Variants in FYN observed in about 807,000 individuals in gnomAD.
The protein encoded by FYN is tyrosine-protein kinase Fyn.
A neutral mutation model predicts 70.2 loss-of-function variants in FYN; 10 were observed. That is an observed-to-expected ratio of 0.14 (90% CI 0.09 to 0.24). The LOEUF is 0.24. Among genes scored for constraint, FYN ranks in the 10% least tolerant of loss-of-function variants. The pLI is 1.00. For missense variants in FYN, 319 were observed against 673.1 expected (o/e 0.47, Z 5.82); for synonymous variants, 236 against 248.6 (o/e 0.95, Z 0.48).
intron 1 of FYN, among the ~76,000 whole-genome samples, chr6:111,863,398 T>C (rs944462180): frequency 3.3e-5 from 5 of 152,220 alleles, no homozygotes; most frequent in Non-Finnish European, 2.9e-5. Flanking sequence ...TTTGAAATTG[T>C]TATTGCTTCT....
intron 2 of FYN, among the ~76,000 whole-genome samples, chr6:111,826,796 G>A (rs1339735162): frequency 6.6e-6 from 1 of 152,162 alleles, no homozygotes; most frequent in Non-Finnish European, 1.5e-5. Flanking sequence ...CTTGTTCACC[G>A]ATTTAGGCCA....
intron 12 of FYN, among the ~76,000 whole-genome samples, chr6:111,674,979 C>T (rs375158472): frequency 5.9e-5 from 9 of 152,178 alleles, no homozygotes; most frequent in Admixed American, 3.3e-4. Flanking sequence ...CATGAGTCCT[C>T]GGGTATATAA....
chr6:111,806,359 T>C (rs548149905), intron 2 of FYN, among the ~76,000 whole-genome samples: 23 of 152,178 alleles, frequency 1.5e-4, no homozygotes, highest in African/African-American at 5.3e-4. Context: ...GCATCAGTAT[T>C]ACTCAAGCAC....
Position 111,861,354 on chromosome 6 carries a change from TTA to T in FYN, c.-123+11612_-123+11613del, listed in dbSNP as rs553479384. On this transcript the variant is annotated intron_variant, in intron 1 of 13. Transcript: ENST00000354650. The stretch of plus-strand genomic sequence containing the variant: ...TGAATAAATACATGAAGTGGTAACA[TTA>T]TATGCCAGCAAAGGGGATAGTACAT... 3.4e-3 allele frequency among the ~76,000 whole-genome samples: 519 copies of T among 152,258 alleles called. 7 individuals carry two copies. The highest frequency in any genetic ancestry group is 0.012 in the African/African-American group (500 of 41,554).
intron 12 of FYN, among the ~76,000 whole-genome samples, chr6:111,692,953 C>T (rs769065561): frequency 6.6e-5 from 10 of 152,256 alleles, no homozygotes; most frequent in East Asian, 1.9e-4. Context: ...GGCCCAGCAC[C>T]GGGGGTGTAT....
chr6:111,694,244 C>T lies in FYN; in HGVS notation c.1273+131G>A. The stretch of plus-strand genomic sequence containing the variant: ...TCAAATTCCTGCCAGATCAAGGTGT[C>T]CAAACCAAGCTGAAGAATGACATTT... On this transcript the variant is annotated intron_variant, in intron 12 of 13. Coordinates refer to ENST00000354650, the MANE Select transcript of FYN (RefSeq NM_002037.5). The surrounding 1 kb of genome is among the most constrained non-coding windows in gnomAD (Gnocchi z 5.0). 3.2e-6 allele frequency: 4 copies of T among 1,236,680 alleles called. No individual in the cohort carries two copies. The highest frequency in any genetic ancestry group is 4.6e-6 in the Non-Finnish European group (4 of 876,216). The allele number at this position is 1,236,680 out of a possible 1,614,324, so 76.6% of individuals were successfully genotyped here. A position where few individuals can be genotyped will look rare whatever the true frequency, so the allele number is the denominator to read the frequency against.
intron 3 of FYN, among the ~76,000 whole-genome samples, chr6:111,742,044 C>T (rs887358090): frequency 2.6e-5 from 4 of 152,182 alleles, no homozygotes; most frequent in South Asian, 2.1e-4. Context: ...CTAGCTTTCA[C>T]ACCCCCTTCC....
intron 3 of FYN, among the ~76,000 whole-genome samples, chr6:111,754,225 A>T (rs1802611395): frequency 6.6e-6 from 1 of 152,154 alleles, no homozygotes; most frequent in South Asian, 2.1e-4. Flanking sequence ...TACTGTCTGA[A>T]TATTTCTGGG....
At chr6:111,790,952 A>C (rs1425343639) in intron 2 of FYN, among the ~76,000 whole-genome samples, 1 of 152,230 alleles carries the variant, frequency 6.6e-6, no homozygotes, top group African/African-American at 2.4e-5. Flanking sequence ...ATGGGCTGGA[A>C]GTCCAATATT....
intron 2 of FYN, among the ~76,000 whole-genome samples, chr6:111,797,760 A>G (rs1771862618): frequency 6.7e-6 from 1 of 148,940 alleles, no homozygotes; most frequent in South Asian, 2.1e-4. Context: ...GACAAAATAA[A>G]TACATCTTTT....
chr6:111,707,150 A>T (rs977297442), intron 6 of FYN, among the ~76,000 whole-genome samples: 8 of 152,206 alleles, frequency 5.3e-5, no homozygotes, highest in South Asian at 2.1e-4. Flanking sequence ...AGGTGTCAGG[A>T]GGAGGCCAAG....
At chr6:111,725,610 T>C (rs545590751) in intron 3 of FYN, among the ~76,000 whole-genome samples, 4 of 152,172 alleles carry the variant, frequency 2.6e-5, no homozygotes, top group Non-Finnish European at 5.9e-5. Flanking sequence ...ATGTTAATAC[T>C]TGAGGGATGA....
chr6:111,843,714 G>A lies in FYN; in HGVS notation c.-82+2875C>T, dbSNP rs73766767. Among the ~76,000 whole-genome samples, 922 of 152,038 alleles carry A rather than the reference G, an allele frequency of 6.1e-3. 6 individuals carry two copies. Among genetic ancestry groups the A allele is most frequent in the African/African-American group, 0.021 (882 of 41,440 alleles). Reference sequence around the variant, plus strand: ...TCATGCCTGCTCAATTTTTTAAGAGGGCCTACTATGAGTTAGGCACTAGGC... The same window carrying A: ...TCATGCCTGCTCAATTTTTTAAGAGAGCCTACTATGAGTTAGGCACTAGGC... On this transcript the variant is annotated intron_variant, in intron 2 of 13. Transcript: ENST00000354650.
chr6:111,756,406 G>C (rs1017220158), intron 3 of FYN, among the ~76,000 whole-genome samples: 1 of 136,494 alleles, frequency 7.3e-6, no homozygotes, highest in Non-Finnish European at 1.6e-5. Context: ...TGGTTTTAGA[G>C]AAAAAAAAGT....
At chr6:111,795,614 T>C (rs1303782377) in intron 2 of FYN, among the ~76,000 whole-genome samples, 1 of 152,198 alleles carries the variant, frequency 6.6e-6, no homozygotes, top group Non-Finnish European at 1.5e-5. Context: ...GGAAGAACAC[T>C]CTACCAGAGG....
intron 6 of FYN, among the ~76,000 whole-genome samples, chr6:111,706,688 AT>A (rs1800107880): frequency 6.6e-6 from 1 of 152,372 alleles, no homozygotes; most frequent in South Asian, 2.1e-4. Context: ...ATTTTAAAAA[AT>A]AATATTCTTT....
intron 2 of FYN, among the ~76,000 whole-genome samples, chr6:111,817,418 GT>G (rs1772523285): frequency 6.6e-6 from 1 of 152,144 alleles, no homozygotes. Flanking sequence ...CCTCTTTTCT[GT>G]AAGTTACTCC....
intron 13 of FYN, among the ~76,000 whole-genome samples, chr6:111,673,619 ATT>A (rs1798397802): frequency 1.5e-5 from 1 of 65,010 alleles, no homozygotes; most frequent in Admixed American, 2.1e-4. Context: ...CGTTTCTATC[ATT>A]GTTTTTTTTT....
chr6:111,705,632 T>G (rs576780105), intron 6 of FYN, among the ~76,000 whole-genome samples: 1 of 152,286 alleles, frequency 6.6e-6, no homozygotes, highest in Admixed American at 6.5e-5. Context: ...GCAGATCACC[T>G]GAGGTCTGGA....
Sources: gnomAD v4.1 joint callset for allele counts (sites outside exome capture counted in the v4.1 genomes callset) on GRCh38, gnomAD v4.1.1 for gene constraint, Gnocchi (gnomAD v3.1) non-coding constraint, MANE v1.5 for transcripts, NCBI Gene and HGNC (gene_info 2026-07-23, HGNC 2026-07-21) for gene names.